The following LIMS1 variants were observed in gnomAD, a reference collection of about 807,000 sequenced individuals.
LIMS1 encodes LIM and senescent cell antigen-like-containing domain protein 1.
A neutral mutation model predicts 44.1 loss-of-function variants in LIMS1; 18 were observed. That is an observed-to-expected ratio of 0.41 (90% CI 0.28 to 0.61). The LOEUF (loss-of-function observed/expected upper bound fraction) is 0.61. Among genes scored for constraint, LIMS1 ranks in the 20% least tolerant of loss-of-function variants. LIMS1 has a pLI of 0.32. For missense variants in LIMS1, 201 were observed against 422.0 expected (o/e 0.48, Z 4.59); for synonymous variants, 93 against 149.1 (o/e 0.62, Z 2.74).
intron 1 of LIMS1, among the ~76,000 whole-genome samples, chr2:108,630,304 C>T (rs961269499): frequency 8.5e-5 from 13 of 152,166 alleles, no homozygotes; most frequent in Middle Eastern, 3.4e-3. Context: ...TAGTGAGCCT[C>T]CTTCGAAATT....
At chr2:108,684,430 CCAAGAAAAACAAAAA>C (rs1198278612) in exon 10 of LIMS1, 1 of 151,858 alleles carries the variant, frequency 6.6e-6, no homozygotes, top group East Asian at 1.9e-4. Context: ...AAATAACCAC[CCAAGAAAAACAAAAA>C]CAAGAAAAAC....
intron 1 of LIMS1, among the ~76,000 whole-genome samples, chr2:108,594,449 G>T (rs1255279566): frequency 6.6e-6 from 1 of 152,132 alleles, no homozygotes; most frequent in Non-Finnish European, 1.5e-5. Flanking sequence ...TGTGAGGGGG[G>T]TTTATTTTGT....
At chr2:108,534,440 C>G in exon 1 of LIMS1, 1 of 748,644 alleles carries the variant, frequency 1.3e-6, no homozygotes, top group Non-Finnish European at 1.7e-6. Context: ...CGGCCCCTGG[C>G]CTTCCTCCCC....
At chr2:108,620,933 G>A (rs1338783193) in intron 1 of LIMS1, among the ~76,000 whole-genome samples, 1 of 152,136 alleles carries the variant, frequency 6.6e-6, no homozygotes, top group Non-Finnish European at 1.5e-5. Flanking sequence ...GTGAAGTGTT[G>A]ATGGATTTCC....
intron 9 of LIMS1, 194 bp downstream of exon 9, chr2:108,680,964 C>T: frequency 3.1e-6 from 4 of 1,303,394 alleles, no homozygotes; most frequent in Non-Finnish European, 4.0e-6. Flanking sequence ...TTGTCCTACT[C>T]AAAGGGATAA....
At chr2:108,568,864 T>A (rs2104626694) in intron 1 of LIMS1, among the ~76,000 whole-genome samples, 2 of 152,276 alleles carry the variant, frequency 1.3e-5, no homozygotes, top group Middle Eastern at 3.4e-3. Context: ...TTTGCCCATG[T>A]TGTAACCAGG....
chr2:108,579,862 G>A (rs1414915872), intron 1 of LIMS1, among the ~76,000 whole-genome samples: 1 of 152,306 alleles, frequency 6.6e-6, no homozygotes, highest in Non-Finnish European at 1.5e-5. Context: ...CTGAGTCCGA[G>A]TGTGAATGGG....
chr2:108,548,777 C>T (rs1207822960), intron 1 of LIMS1, among the ~76,000 whole-genome samples: 3 of 152,070 alleles, frequency 2.0e-5, no homozygotes, highest in Non-Finnish European at 4.4e-5. Context: ...ACGGAAGTTA[C>T]GGCGATAGGT....
At chr2:108,642,105 C>T (rs1446098731) in intron 1 of LIMS1, among the ~76,000 whole-genome samples, 1 of 152,128 alleles carries the variant, frequency 6.6e-6, no homozygotes, top group Non-Finnish European at 1.5e-5. Flanking sequence ...GAAGCTTCAT[C>T]TAGTAGTTGT....
intron 1 of LIMS1, among the ~76,000 whole-genome samples, chr2:108,544,390 G>A (rs1012164358): frequency 6.6e-5 from 10 of 152,168 alleles, no homozygotes; most frequent in Non-Finnish European, 1.5e-4. Flanking sequence ...TGTATGTCAT[G>A]AAATCTATGC....
At chr2:108,535,091 T>TA (rs796102193) in intron 1 of LIMS1, among the ~76,000 whole-genome samples, 19 of 152,334 alleles carry the variant, frequency 1.2e-4, no homozygotes, top group African/African-American at 4.6e-4. Context: ...AGGGTTTTGC[T>TA]AAAACAAAAG....
chr2:108,595,338 T>C (rs927260280), intron 1 of LIMS1, among the ~76,000 whole-genome samples: 1 of 152,150 alleles, frequency 6.6e-6, no homozygotes, highest in Non-Finnish European at 1.5e-5. Context: ...GGAGGTGTAA[T>C]GTGTGCTTGA....
At chr2:108,557,988 T>C (rs988761867) in intron 1 of LIMS1, among the ~76,000 whole-genome samples, 4 of 152,224 alleles carry the variant, frequency 2.6e-5, no homozygotes, top group Non-Finnish European at 4.4e-5. Context: ...GGGGAAATTA[T>C]GGATATAAAA....
chr2:108,555,596 C>G (rs1684900308), intron 1 of LIMS1, among the ~76,000 whole-genome samples: 1 of 152,234 alleles, frequency 6.6e-6, no homozygotes, highest in African/African-American at 2.4e-5. Flanking sequence ...GAAAGGCCTA[C>G]ATTCTCAGGT....
At chr2:108,644,758 G>A (rs1437346273) in intron 1 of LIMS1, among the ~76,000 whole-genome samples, 2 of 152,048 alleles carry the variant, frequency 1.3e-5, no homozygotes, top group Non-Finnish European at 2.9e-5. Flanking sequence ...CTGAAAAAAG[G>A]TTAGATGAAT....
chr2:108,639,848 T>C (rs1689551347), intron 1 of LIMS1, among the ~76,000 whole-genome samples: 1 of 152,224 alleles, frequency 6.6e-6, no homozygotes, highest in Non-Finnish European at 1.5e-5. Context: ...TTTCATACAT[T>C]TTCTGCAATA....
intron 1 of LIMS1, among the ~76,000 whole-genome samples, chr2:108,639,965 G>A (rs1296661497): frequency 2.6e-5 from 4 of 152,148 alleles, no homozygotes; most frequent in Admixed American, 6.5e-5. Flanking sequence ...CCATGCGCAC[G>A]GGCTCACAGA....
At chr2:108,656,303 A>G (rs1417752907) in intron 1 of LIMS1, among the ~76,000 whole-genome samples, 1 of 65,678 alleles carries the variant, frequency 1.5e-5, no homozygotes, top group Non-Finnish European at 3.5e-5. Flanking sequence ...ACATATAAAT[A>G]TCTATCTATC....
At chr2:108,572,921 T>G (rs1685533487) in intron 1 of LIMS1, among the ~76,000 whole-genome samples, 1 of 152,180 alleles carries the variant, frequency 6.6e-6, no homozygotes, top group South Asian at 2.1e-4. Context: ...AGTAGTAAAC[T>G]TGTATTGTGT....
Sources: allele counts gnomAD v4.1 joint callset (sites outside exome capture counted in the v4.1 genomes callset), GRCh38; gene constraint gnomAD v4.1.1; transcripts MANE v1.5; gene names NCBI Gene and HGNC (gene_info 2026-07-23, HGNC 2026-07-21).